PTPRN2: variants seen among roughly 807,000 people sequenced by gnomAD.
PTPRN2 encodes the protein protein tyrosine phosphatase receptor type N2.
In PTPRN2, 74 loss-of-function variants were observed where a neutral mutation model predicts 118.8. That is an observed-to-expected ratio of 0.62 (90% CI 0.52 to 0.76). PTPRN2 has a LOEUF of 0.76. Ranked by LOEUF, PTPRN2 falls within the 30% of genes least tolerant of loss-of-function variation. The probability of loss-of-function intolerance (pLI) is 0.00; values close to 1 mark genes in which losing one functional copy is unlikely to be tolerated. For missense variants in PTPRN2, 1,481 were observed against 1,394.4 expected (o/e 1.06, Z -0.99); for synonymous variants, 641 against 608.0 (o/e 1.05, Z -0.80).
chr7:158,161,861 AATATT>A (rs1292644938), intron 6 of PTPRN2, among the ~76,000 whole-genome samples: 1 of 152,120 alleles, frequency 6.6e-6, no homozygotes, highest in Non-Finnish European at 1.5e-5. Context: ...CAATATCTAA[AATATT>A]CAAGAACTTT....
chr7:158,011,175 G>C (rs939544192), intron 11 of PTPRN2, among the ~76,000 whole-genome samples: 8 of 152,356 alleles, frequency 5.3e-5, no homozygotes, highest in Middle Eastern at 3.4e-3. Context: ...ACCTGGGTCT[G>C]TACGTCATTG....
intron 12 of PTPRN2, among the ~76,000 whole-genome samples, chr7:157,897,111 T>G (rs528123832): frequency 5.3e-5 from 8 of 152,260 alleles, no homozygotes; most frequent in African/African-American, 1.7e-4. Flanking sequence ...TGAGTCCATC[T>G]AGATTTGTCC....
intron 17 of PTPRN2, among the ~76,000 whole-genome samples, chr7:157,592,213 G>T (rs1218602445): frequency 6.6e-6 from 1 of 152,218 alleles, no homozygotes; most frequent in Admixed American, 6.5e-5. Context: ...CCCATAAGAT[G>T]TAAACACTGA....
chr7:157,659,325 G>A (rs1795766496), intron 13 of PTPRN2, among the ~76,000 whole-genome samples: 1 of 110,358 alleles, frequency 9.1e-6, no homozygotes, highest in Non-Finnish European at 1.9e-5. Flanking sequence ...TGACCCCGGG[G>A]ACTGGGGGGG....
intron 5 of PTPRN2, among the ~76,000 whole-genome samples, chr7:158,168,830 G>C (rs1033032402): frequency 6.6e-6 from 1 of 152,060 alleles, no homozygotes; most frequent in Non-Finnish European, 1.5e-5. Flanking sequence ...CTCACCTCTA[G>C]GGCAGCTGTA....
chr7:158,028,531 G>A (rs751420), intron 11 of PTPRN2: 20,560 of 152,592 alleles, frequency 0.13, 1,426 homozygotes, highest in Admixed American at 0.16. Context: ...GACGGCAGAG[G>A]AGAGAACCGC....
At chr7:157,991,773 G>A (rs1336390610) in intron 11 of PTPRN2, among the ~76,000 whole-genome samples, 1 of 151,520 alleles carries the variant, frequency 6.6e-6, no homozygotes, top group Admixed American at 6.6e-5. Flanking sequence ...GGGCACCTAA[G>A]CACCAAGCAA....
chr7:157,952,212 G>A (rs1036807726), intron 11 of PTPRN2, among the ~76,000 whole-genome samples: 2 of 152,192 alleles, frequency 1.3e-5, no homozygotes, highest in African/African-American at 4.8e-5. Context: ...TGTGCAGCTA[G>A]CCTCGCCAGA....
At chr7:157,844,514 G>A (rs949134136) in intron 12 of PTPRN2, among the ~76,000 whole-genome samples, 9 of 152,196 alleles carry the variant, frequency 5.9e-5, no homozygotes, top group African/African-American at 2.2e-4. Context: ...GCCAGGTGAG[G>A]GCCAGGAGGA....
intron 1 of PTPRN2, among the ~76,000 whole-genome samples, chr7:158,530,414 G>T (rs1037298122): frequency 3.9e-5 from 6 of 152,238 alleles, no homozygotes; most frequent in African/African-American, 1.4e-4. Context: ...TCCTGGGAAT[G>T]CTGGGGACCT....
intron 11 of PTPRN2, among the ~76,000 whole-genome samples, chr7:157,902,472 T>C: frequency 7.2e-6 from 1 of 138,920 alleles, no homozygotes; most frequent in Non-Finnish European, 1.6e-5. Context: ...GGAGAGTACG[T>C]GGAAATCAAC....
chr7:158,383,954 C>T (rs915828896), intron 2 of PTPRN2, among the ~76,000 whole-genome samples: 68 of 152,226 alleles, frequency 4.5e-4, no homozygotes, highest in Non-Finnish European at 6.5e-4. Context: ...ATCCTTTTCA[C>T]TTGAGTCCTT....
intron 11 of PTPRN2, among the ~76,000 whole-genome samples, chr7:157,933,898 C>A (rs1038937499): frequency 6.6e-6 from 1 of 150,874 alleles, no homozygotes; most frequent in African/African-American, 2.4e-5. Context: ...GGATGAGTCA[C>A]CCTGATTGAC....
chr7:158,304,517 C>T (rs1801136129), intron 3 of PTPRN2, among the ~76,000 whole-genome samples: 1 of 151,168 alleles, frequency 6.6e-6, no homozygotes, highest in Admixed American at 6.6e-5. Flanking sequence ...AGACACCCGT[C>T]AATAGGCTAA....
chr7:157,549,932 G>T (rs900567416), intron 21 of PTPRN2, among the ~76,000 whole-genome samples: 2 of 152,198 alleles, frequency 1.3e-5, no homozygotes, highest in Non-Finnish European at 2.9e-5. Context: ...TGAGAACTGT[G>T]GTCACCCGAG....
chr7:158,289,283 C>A (rs1478024115), intron 3 of PTPRN2, among the ~76,000 whole-genome samples: 1 of 152,156 alleles, frequency 6.6e-6, no homozygotes, highest in Non-Finnish European at 1.5e-5. Flanking sequence ...TCTTCTCCTT[C>A]TTGAATACCT....
chr7:157,716,091 C>T (rs1156801778), intron 12 of PTPRN2, among the ~76,000 whole-genome samples: 1 of 152,268 alleles, frequency 6.6e-6, no homozygotes, highest in African/African-American at 2.4e-5. Flanking sequence ...CCATCAGCTC[C>T]CGGGCCATCC....
chr7:158,552,502 TGC>T (rs1826728635), intron 1 of PTPRN2, among the ~76,000 whole-genome samples: 1 of 152,152 alleles, frequency 6.6e-6, no homozygotes, highest in Non-Finnish European at 1.5e-5. Context: ...TAGGCTGGAG[TGC>T]ACTGATGCAA....
At chr7:158,258,309 C>T (rs1797163195) in intron 3 of PTPRN2, among the ~76,000 whole-genome samples, 1 of 152,270 alleles carries the variant, frequency 6.6e-6, no homozygotes, top group Non-Finnish European at 1.5e-5. Flanking sequence ...ACGTGCAGCC[C>T]CTGCCCTGCG....
Sources: allele counts gnomAD v4.1 joint callset (sites outside exome capture counted in the v4.1 genomes callset), GRCh38; gene constraint gnomAD v4.1.1; transcripts MANE v1.5; gene names NCBI Gene and HGNC (gene_info 2026-07-23, HGNC 2026-07-21).